Variants in HSPA1A observed in about 807,000 individuals in gnomAD.
HSPA1A encodes the protein heat shock 70 kDa protein 1A.
Under a neutral mutation model 8.8 loss-of-function variants are expected in HSPA1A, and 5 were observed. That is an observed-to-expected ratio of 0.57 (90% CI 0.30 to 1.19). The LOEUF (loss-of-function observed/expected upper bound fraction) is 1.19, where lower values mean the gene tolerates loss of function less well. HSPA1A is among the 50% of genes most tolerant of loss of function. The pLI, the probability that HSPA1A is intolerant of heterozygous loss-of-function variation, is 0.08. For missense variants in HSPA1A, 207 were observed against 430.7 expected (o/e 0.48, Z 4.60); for synonymous variants, 112 against 188.4 (o/e 0.59, Z 3.32).
In HSPA1A at chr6:31,815,768, C is replaced by T. The variant is rs1282823445; in HGVS notation, c.12C>T (p.Ala4=). Residue 4 remains alanine, a synonymous_variant, in exon 1 of 1, where the codon GCC becomes GCT. Coordinates refer to ENST00000375651, the MANE Select transcript of HSPA1A (RefSeq NM_005345.6). ...AGCAGGGAACCGGCATGGCCAAAGCCGCGGCGATCGGCATCGACCTGGGCA... is the reference window on the plus strand; with the variant it reads ...AGCAGGGAACCGGCATGGCCAAAGCTGCGGCGATCGGCATCGACCTGGGCA... MAK[A]AAIGIDLGTT... The T allele has an allele frequency of 1.9e-6, 3 of 1,613,878 alleles. No individual in the cohort carries two copies. Among genetic ancestry groups the T allele is most frequent in the Admixed American group, 1.7e-5 (1 of 60,028 alleles).
rs1815959920 is a variant in HSPA1A at position 31,816,356 on chromosome 6, G to C, written c.600G>C (p.Leu200=). 7.7e-6 allele frequency: 1 copy of C among 130,570 alleles called. No homozygotes were observed. Among genetic ancestry groups the C allele is most frequent in the East Asian group, 1.5e-4 (1 of 6,628 alleles). 8.1% of individuals were successfully genotyped at this position (130,570 alleles called of 1,614,324 possible). Residue 200 remains leucine (L), a synonymous_variant, in exon 1 of 1, where the codon CTG becomes CTC. Transcript: ENST00000375651. ...KGERNVLIFD[L]GGGTFDVSIL... ...AGCGCAACGTGCTCATCTTTGACCT[G>C]GGCGGGGGCACCTTCGACGTGTCCA...
chr6:31,815,549 T>C lies in HSPA1A; in HGVS notation c.-208T>C, dbSNP rs759024509. 9.3e-4 allele frequency: 1,173 copies of C among 1,260,858 alleles called. 3 individuals are homozygous for C. The highest frequency in any genetic ancestry group is 1.1e-3 in the Non-Finnish European group (1,008 of 900,650). 78.1% of individuals were successfully genotyped at this position (1,260,858 alleles called of 1,614,324 possible). On this transcript the variant is annotated 5_prime_UTR_variant, in exon 1 of 1. Transcript: ENST00000375651. The stretch of plus-strand genomic sequence containing the variant: ...AGGGGCAAGCGGTCCGGATAACGGC[T>C]AGCCTGAGGAGCTGCTGCGACAGTC...
Position 31,817,740 on chromosome 6 carries a change from T to A in HSPA1A, c.*58T>A. ...AGCTTCAAGACTTTGCATTTCCTAG[T>A]ATTTCTGTTTGTCAGTTCTCAATTT... is the stretch of plus-strand genomic sequence containing the variant. On this transcript the variant is annotated 3_prime_UTR_variant, in exon 1 of 1. Transcript: ENST00000375651. 6.4e-7 allele frequency: 1 copy of A among 1,559,762 alleles called. No individual in the cohort carries two copies. Among genetic ancestry groups the A allele is most frequent in the Non-Finnish European group, 8.7e-7 (1 of 1,155,566 alleles).
In HSPA1A at chr6:31,817,714, G is replaced by C; in HGVS notation, c.*32G>C. 1 of 1,595,410 alleles carries C rather than the reference G, an allele frequency of 6.3e-7. No individual in the cohort carries two copies. The highest frequency in any genetic ancestry group is 8.5e-7 in the Non-Finnish European group (1 of 1,170,596). On this transcript the variant is annotated 3_prime_UTR_variant, in exon 1 of 1. Coordinates refer to ENST00000375651, the MANE Select transcript of HSPA1A (RefSeq NM_005345.6). Reference sequence around the variant, plus strand: ...TTCCAAGATTGCTGTTTTTGTTTTGGAGCTTCAAGACTTTGCATTTCCTAG... The same window carrying C: ...TTCCAAGATTGCTGTTTTTGTTTTGCAGCTTCAAGACTTTGCATTTCCTAG...
At position 31,815,975 on chromosome 6, in the gene HSPA1A, G is replaced by A; in HGVS notation, c.219G>A (p.Leu73=). 1.4e-6 allele frequency: 2 copies of A among 1,475,340 alleles called. No homozygotes were observed. The highest frequency in any genetic ancestry group is 2.5e-5 in the East Asian group (1 of 39,892). The allele number at this position is 1,475,340 out of a possible 1,614,324, so 91.4% of individuals were successfully genotyped here. A position where few individuals can be genotyped will look rare whatever the true frequency, so the allele number is the denominator to read the frequency against. ...ACACCGTGTTTGACGCGAAGCGGCT[G>A]ATTGGCCGCAAGTTCGGCGACCCGG... ...PQNTVFDAKR[L]IGRKFGDPVV... is the part of the protein sequence containing the mutation. Residue 73 remains leucine, a synonymous_variant, in exon 1 of 1, where the codon CTG becomes CTA. Coordinates refer to ENST00000375651, the MANE Select transcript of HSPA1A (RefSeq NM_005345.6).
chr6:31,817,886 TAACTC>T lies in HSPA1A; in HGVS notation c.*206_*210del, dbSNP rs935136269. 87 of 1,431,516 alleles carry T rather than the reference TAACTC, an allele frequency of 6.1e-5. 2 individuals carry two copies. In the Admixed American group the frequency reaches 2.3e-3, roughly 38 times the overall value. 88.7% of individuals were successfully genotyped at this position (1,431,516 alleles called of 1,614,324 possible). A position where few individuals can be genotyped will look rare whatever the true frequency, so the allele number is the denominator to read the frequency against. The stretch of plus-strand genomic sequence containing the variant: ...GACTATTTCTTCTTTTTAATACACT[TAACTC>T]AGGCCATTTTTTAAGTTGGTTACTT... On this transcript the variant is annotated 3_prime_UTR_variant, in exon 1 of 1. Coordinates refer to ENST00000375651, the MANE Select transcript of HSPA1A (RefSeq NM_005345.6).
chr6:31,817,491 T>C lies in HSPA1A; in HGVS notation c.1735T>C (p.Ser579Pro), dbSNP rs1816013353. The change falls in exon 1 of 1, where the codon TCG (serine) becomes CCG (proline). Residue 579 changes from serine to proline, a missense_variant. Around this residue, in one of 5 missense-constraint regions of HSPA1A, gnomAD observed 26 missense variants for 21.3 expected, o/e 1.22. Transcript: ENST00000375651. ...GCTGGACAAGTGTCAAGAGGTCATC[T>C]CGTGGCTGGACGCCAACACCTTGGC... is the stretch of plus-strand genomic sequence containing the variant. ...KVLDKCQEVI[S>P]WLDANTLAEK... 2 of 1,612,710 alleles carry C rather than the reference T, an allele frequency of 1.2e-6. No homozygotes were observed. The highest frequency in any genetic ancestry group is 1.7e-6 in the Non-Finnish European group (2 of 1,179,936).
chr6:31,817,224 G>GCCACGGACAAGAGC lies in HSPA1A; in HGVS notation c.1469_1482dup (p.Thr495ProfsTer21). ...TGCCAACGGCATCCTGAACGTCACG[G>GCCACGGACAAGAGC]CCACGGACAAGAGCACCGGCAAGGC... On this transcript the variant is annotated frameshift_variant, in exon 1 of 1. Coordinates refer to ENST00000375651, the MANE Select transcript of HSPA1A (RefSeq NM_005345.6). LOFTEE classifies it high-confidence loss of function. 8.5e-7 allele frequency: 1 copy of GCCACGGACAAGAGC among 1,179,118 alleles called. No individual in the cohort carries two copies. Among genetic ancestry groups the GCCACGGACAAGAGC allele is most frequent in the Non-Finnish European group, 1.2e-6 (1 of 848,542 alleles). 73.0% of individuals were successfully genotyped at this position (1,179,118 alleles called of 1,614,324 possible). A position where few individuals can be genotyped will look rare whatever the true frequency, so the allele number is the denominator to read the frequency against.
rs773102740 is a variant in HSPA1A at position 31,815,891 on chromosome 6, G to A, written c.135G>A (p.Thr45=). ...NRTTPSYVAF[T]DTERLIGDAA... is the part of the protein sequence containing the mutation. ...CCACCCCCAGCTACGTGGCCTTCAC[G>A]GACACCGAGCGGCTCATCGGGGATG... is the stretch of plus-strand genomic sequence containing the variant. The change falls in exon 1 of 1, where the codon ACG becomes ACA. Residue 45 remains threonine (T), a synonymous_variant. Coordinates refer to ENST00000375651, the MANE Select transcript of HSPA1A (RefSeq NM_005345.6). 2.5e-6 allele frequency: 4 copies of A among 1,600,774 alleles called. No homozygotes were observed. The highest frequency in any genetic ancestry group is 1.7e-5 in the Admixed American group (1 of 58,842).
chr6:31,815,594 G>A lies in HSPA1A; in HGVS notation c.-163G>A. 3 of 1,528,556 alleles carry A rather than the reference G, an allele frequency of 2.0e-6. No homozygotes were observed. The highest frequency in any genetic ancestry group is 2.7e-6 in the Non-Finnish European group (3 of 1,120,572). 94.7% of individuals were successfully genotyped at this position (1,528,556 alleles called of 1,614,324 possible). A position where few individuals can be genotyped will look rare whatever the true frequency, so the allele number is the denominator to read the frequency against. ...ACAGTCCACTACCTTTTTCGAGAGT[G>A]ACTCCCGTTGTCCCAAGGCTTCCCA... On this transcript the variant is annotated 5_prime_UTR_variant, in exon 1 of 1. Coordinates refer to ENST00000375651, the MANE Select transcript of HSPA1A (RefSeq NM_005345.6).
rs774374754 is a variant in HSPA1A, at chr6:31,815,792, C to T, written c.36C>T (p.Gly12=). ...CCGCGGCGATCGGCATCGACCTGGG[C>T]ACCACCTACTCCTGCGTGGGGGTGT... ...AKAAAIGIDL[G]TTYSCVGVFQ... Residue 12 remains glycine (G), a synonymous_variant, in exon 1 of 1, where the codon GGC becomes GGT. Coordinates refer to ENST00000375651, the MANE Select transcript of HSPA1A (RefSeq NM_005345.6). 2.2e-5 allele frequency: 35 copies of T among 1,613,504 alleles called. No homozygotes were observed. Among genetic ancestry groups the T allele is most frequent in the Non-Finnish European group, 3.0e-5 (35 of 1,179,956 alleles).
At position 31,817,897 on chromosome 6, in the gene HSPA1A, A is replaced by AT. The variant is rs41269729; in HGVS notation, c.*221dup. ...CTTTTTAATACACTTAACTCAGGCCATTTTTTAAGTTGGTTACTTCAAAGT... is the reference window on the plus strand; with the variant it reads ...CTTTTTAATACACTTAACTCAGGCCATTTTTTTAAGTTGGTTACTTCAAAGT... On this transcript the variant is annotated 3_prime_UTR_variant, in exon 1 of 1. Coordinates refer to ENST00000375651, the MANE Select transcript of HSPA1A (RefSeq NM_005345.6). 1 of 1,425,664 alleles carries AT rather than the reference A, an allele frequency of 7.0e-7. No individual in the cohort carries two copies. The highest frequency in any genetic ancestry group is 2.6e-5 in the East Asian group (1 of 38,822). The allele number at this position is 1,425,664 out of a possible 1,614,324, so 88.3% of individuals were successfully genotyped here.
In HSPA1A at chr6:31,815,650, G is replaced by A; in HGVS notation, c.-107G>A. ...AACCTGTGCGGCTGCAGGCACCGGC[G>A]CGTCGAGTTTCCGGCGTCCGGAAGG... On this transcript the variant is annotated 5_prime_UTR_variant, in exon 1 of 1. Coordinates refer to ENST00000375651, the MANE Select transcript of HSPA1A (RefSeq NM_005345.6). The A allele has an allele frequency of 1.9e-6, 3 of 1,612,210 alleles. No homozygotes were observed. The highest frequency in any genetic ancestry group is 2.5e-6 in the Non-Finnish European group (3 of 1,179,556).
chr6:31,817,892 A>G lies in HSPA1A; in HGVS notation c.*210A>G. On this transcript the variant is annotated 3_prime_UTR_variant, in exon 1 of 1. Transcript: ENST00000375651. ...TTCTTCTTTTTAATACACTTAACTC[A>G]GGCCATTTTTTAAGTTGGTTACTTC... 1 of 1,427,524 alleles carries G rather than the reference A, an allele frequency of 7.0e-7. No individual in the cohort carries two copies. The highest frequency in any genetic ancestry group is 1.6e-5 in the South Asian group (1 of 61,034). The allele number at this position is 1,427,524 out of a possible 1,614,324, so 88.4% of individuals were successfully genotyped here. A position where few individuals can be genotyped will look rare whatever the true frequency, so the allele number is the denominator to read the frequency against.
At position 31,817,856 on chromosome 6, in the gene HSPA1A, C is replaced by T; in HGVS notation, c.*174C>T. On this transcript the variant is annotated 3_prime_UTR_variant, in exon 1 of 1. Transcript: ENST00000375651. ...TGCAGAGATGAATTTATACTGCCAT[C>T]TTACGACTATTTCTTCTTTTTAATA... The T allele has an allele frequency of 2.1e-6, 3 of 1,442,962 alleles. No homozygotes were observed. The highest frequency in any genetic ancestry group is 1.5e-5 in the South Asian group (1 of 64,718). 89.4% of individuals were successfully genotyped at this position (1,442,962 alleles called of 1,614,324 possible).
Position 31,815,765 on chromosome 6 carries a change from A to G in HSPA1A, c.9A>G (p.Lys3=). 1 of 1,613,902 alleles carries G rather than the reference A, an allele frequency of 6.2e-7. No homozygotes were observed. Among genetic ancestry groups the G allele is most frequent in the Non-Finnish European group, 8.5e-7 (1 of 1,180,002 alleles). The part of the protein sequence containing the change: MA[K]AAAIGIDLGT... ...GAGAGCAGGGAACCGGCATGGCCAA[A>G]GCCGCGGCGATCGGCATCGACCTGG... The change falls in exon 1 of 1, where the codon AAA becomes AAG. Residue 3 remains lysine, a synonymous_variant. Coordinates refer to ENST00000375651, the MANE Select transcript of HSPA1A (RefSeq NM_005345.6).
rs1220884151 is a variant in HSPA1A, at chr6:31,817,110, GACA to G, written c.1359_1361del (p.Asn454del). The G allele has an allele frequency of 3.9e-6, 2 of 506,382 alleles. No homozygotes were observed. Among genetic ancestry groups the G allele is most frequent in the East Asian group, 3.0e-5 (1 of 32,832 alleles). The allele number at this position is 506,382 out of a possible 1,614,324, so 31.4% of individuals were successfully genotyped here. A position where few individuals can be genotyped will look rare whatever the true frequency, so the allele number is the denominator to read the frequency against. On this transcript the variant is annotated inframe_deletion, in exon 1 of 1. Coordinates refer to ENST00000375651, the MANE Select transcript of HSPA1A (RefSeq NM_005345.6). ...CGAGGGCGAGAGGGCCATGACGAAA[GACA>G]ACAATCTGTTGGGGCGCTTCGAGCT...
Position 31,815,640 on chromosome 6 carries a change from A to G in HSPA1A, c.-117A>G. On this transcript the variant is annotated 5_prime_UTR_variant, in exon 1 of 1. Transcript: ENST00000375651. ...TCCCAGAGCGAACCTGTGCGGCTGC[A>G]GGCACCGGCGCGTCGAGTTTCCGGC... The G allele has an allele frequency of 6.2e-7, 1 of 1,610,718 alleles. No homozygotes were observed. Among genetic ancestry groups the G allele is most frequent in the Non-Finnish European group, 8.5e-7 (1 of 1,178,776 alleles).
chr6:31,815,786 C>T lies in HSPA1A; in HGVS notation c.30C>T (p.Asp10=), dbSNP rs1815911713. Residue 10 remains aspartate, a synonymous_variant, in exon 1 of 1, where the codon GAC becomes GAT. Coordinates refer to ENST00000375651, the MANE Select transcript of HSPA1A (RefSeq NM_005345.6). MAKAAAIGI[D]LGTTYSCVGV... Reference sequence around the variant, plus strand: ...CCAAAGCCGCGGCGATCGGCATCGACCTGGGCACCACCTACTCCTGCGTGG... The same window carrying T: ...CCAAAGCCGCGGCGATCGGCATCGATCTGGGCACCACCTACTCCTGCGTGG... 6.2e-7 allele frequency: 1 copy of T among 1,613,696 alleles called. No homozygotes were observed. Among genetic ancestry groups the T allele is most frequent in the South Asian group, 1.1e-5 (1 of 91,070 alleles).
Sources: allele counts gnomAD v4.1 joint callset, GRCh38; gene constraint gnomAD v4.1.1; regional missense constraint gnomAD v4.1.1; transcripts MANE v1.5; gene names NCBI Gene and HGNC (gene_info 2026-07-23, HGNC 2026-07-21).